The following JAZF1 variants were observed in gnomAD, a reference collection of about 807,000 sequenced individuals.
The protein encoded by JAZF1 is JAZF zinc finger 1, also known as juxtaposed with another zinc finger protein 1.
Under a neutral mutation model 26.4 loss-of-function variants are expected in JAZF1, and 8 were observed. That is an observed-to-expected ratio of 0.30 (90% CI 0.18 to 0.55). The LOEUF (loss-of-function observed/expected upper bound fraction) is 0.55, where lower values mean the gene tolerates loss of function less well. Ranked by LOEUF, JAZF1 falls within the 20% of genes least tolerant of loss-of-function variation. JAZF1 has a pLI of 0.94. For synonymous variants in JAZF1, 126 were observed against 122.3 expected, an observed-to-expected ratio of 1.03 and a Z score of -0.20; for missense variants, 199 against 322.0, an observed-to-expected ratio of 0.62 and a Z score of 2.92.
intron 2 of JAZF1, among the ~76,000 whole-genome samples, chr7:27,923,186 G>A (rs1784560151): frequency 6.6e-6 from 1 of 152,142 alleles, no homozygotes; most frequent in South Asian, 2.1e-4. Context: ...ACAGCCATTT[G>A]GTGTTGGAGG....
chr7:28,079,436 T>C (rs916610277), intron 1 of JAZF1, among the ~76,000 whole-genome samples: 1 of 152,120 alleles, frequency 6.6e-6, no homozygotes, highest in Non-Finnish European at 1.5e-5. Flanking sequence ...CATTTTTCTC[T>C]GACAGACACT....
At chr7:27,997,469 T>C (rs1016789329) in intron 1 of JAZF1, among the ~76,000 whole-genome samples, 5 of 152,170 alleles carry the variant, frequency 3.3e-5, no homozygotes, top group African/African-American at 1.2e-4. Context: ...CAACATCTGG[T>C]GATTCCCTAA....
chr7:28,068,135 G>A (rs1451984069), intron 1 of JAZF1, among the ~76,000 whole-genome samples: 1 of 151,246 alleles, frequency 6.6e-6, no homozygotes, highest in Non-Finnish European at 1.5e-5. Flanking sequence ...GGCTGGTCTC[G>A]AACTCCTGAC....
At chr7:28,099,453 G>C (rs1395081940) in intron 1 of JAZF1, among the ~76,000 whole-genome samples, 2 of 151,596 alleles carry the variant, frequency 1.3e-5, no homozygotes, top group African/African-American at 4.9e-5. Context: ...GGGGAGAGGA[G>C]TATGCAAGAT....
chr7:27,921,295 T>C (rs1784524618), intron 2 of JAZF1, among the ~76,000 whole-genome samples: 1 of 151,928 alleles, frequency 6.6e-6, no homozygotes, highest in Non-Finnish European at 1.5e-5. Context: ...GGAAGCATTA[T>C]AAAGCCTCTG....
At chr7:27,834,164 C>A (rs187080958) in intron 4 of JAZF1, among the ~76,000 whole-genome samples, 1 of 152,206 alleles carries the variant, frequency 6.6e-6, no homozygotes, top group Non-Finnish European at 1.5e-5. Context: ...AAAACAGCTC[C>A]CTGCTGTTGT....
chr7:27,902,390 T>C (rs557602910), intron 2 of JAZF1, among the ~76,000 whole-genome samples: 1 of 152,234 alleles, frequency 6.6e-6, no homozygotes, highest in African/African-American at 2.4e-5. Context: ...TAACAAAATA[T>C]GATGGTCATG....
chr7:27,865,286 C>T (rs1376281179), intron 3 of JAZF1, among the ~76,000 whole-genome samples: 1 of 152,086 alleles, frequency 6.6e-6, no homozygotes, highest in Non-Finnish European at 1.5e-5. Flanking sequence ...AGGAGGATTG[C>T]TTGAGCCTGG....
At chr7:28,073,482 T>A (rs1408186234) in intron 1 of JAZF1, among the ~76,000 whole-genome samples, 1 of 152,206 alleles carries the variant, frequency 6.6e-6, no homozygotes, top group Non-Finnish European at 1.5e-5. Flanking sequence ...CCCGAATCTT[T>A]GCATTTTGCT....
intron 1 of JAZF1, among the ~76,000 whole-genome samples, chr7:28,143,473 C>T (rs751453161): frequency 3.9e-5 from 6 of 152,212 alleles, no homozygotes; most frequent in African/African-American, 7.2e-5. Context: ...AGCTCCTGGC[C>T]GGTGTGCCTG....
chr7:28,060,854 GCT>G (rs1783786232), intron 1 of JAZF1, among the ~76,000 whole-genome samples: 2 of 152,168 alleles, frequency 1.3e-5, no homozygotes, highest in Admixed American at 1.3e-4. Context: ...AGCCTCCAGA[GCT>G]CTCTCTGGGT....
chr7:28,024,430 A>C (rs1401666458), intron 1 of JAZF1, among the ~76,000 whole-genome samples: 1 of 152,216 alleles, frequency 6.6e-6, no homozygotes, highest in East Asian at 1.9e-4. Context: ...AGGGTGGAGA[A>C]AGGAGGATTT....
At chr7:28,003,540 T>G (rs1782642495) in intron 1 of JAZF1, among the ~76,000 whole-genome samples, 1 of 152,160 alleles carries the variant, frequency 6.6e-6, no homozygotes, top group African/African-American at 2.4e-5. Flanking sequence ...GCAATTAAAG[T>G]GAAAAATGAG....
chr7:27,900,198 G>T (rs974363350), intron 2 of JAZF1, among the ~76,000 whole-genome samples: 1 of 152,196 alleles, frequency 6.6e-6, no homozygotes, highest in African/African-American at 2.4e-5. Flanking sequence ...GTGTGCTGGA[G>T]CTGGCTCATA....
At chr7:28,154,017 G>T (rs1783145727) in intron 1 of JAZF1, among the ~76,000 whole-genome samples, 1 of 152,016 alleles carries the variant, frequency 6.6e-6, no homozygotes, top group South Asian at 2.1e-4. Flanking sequence ...ACTGGGAAAT[G>T]CCAAGAATTC....
chr7:28,127,105 TC>T (rs1236113274), intron 1 of JAZF1, among the ~76,000 whole-genome samples: 16 of 152,224 alleles, frequency 1.1e-4, no homozygotes, highest in Middle Eastern at 3.2e-3. Context: ...AGCTTGCTTT[TC>T]ATTAGAATTG....
intron 3 of JAZF1, among the ~76,000 whole-genome samples, chr7:27,894,821 C>G (rs1562521485): frequency 6.6e-6 from 1 of 152,160 alleles, no homozygotes; most frequent in Admixed American, 6.5e-5. Context: ...TTCTCCAAGA[C>G]TGCTTAATAA....
intron 1 of JAZF1, among the ~76,000 whole-genome samples, chr7:28,097,402 A>G (rs1260962697): frequency 2.6e-5 from 4 of 152,238 alleles, no homozygotes; most frequent in Non-Finnish European, 4.4e-5. Context: ...TACAGCATCA[A>G]TTCAAAAGTC....
At chr7:27,929,488 T>A (rs1395636893) in intron 2 of JAZF1, among the ~76,000 whole-genome samples, 2 of 152,218 alleles carry the variant, frequency 1.3e-5, no homozygotes, top group Non-Finnish European at 2.9e-5. Context: ...TTTTACTAAA[T>A]AGTACCTTAA....
Sources: allele counts gnomAD v4.1 joint callset (sites outside exome capture counted in the v4.1 genomes callset), GRCh38; gene constraint gnomAD v4.1.1; transcripts MANE v1.5; gene names NCBI Gene and HGNC (gene_info 2026-07-23, HGNC 2026-07-21).